DOCK4: variants seen among roughly 807,000 people sequenced by gnomAD.
DOCK4 encodes the protein dedicator of cytokinesis 4, also known as dedicator of cytokinesis protein 4.
In DOCK4, 97 loss-of-function variants were observed where a neutral mutation model predicts 268.1. The observed-to-expected ratio is 0.36, with a 90% CI of 0.31 to 0.43. The LOEUF is 0.43. DOCK4 is among the 20% of genes least tolerant of loss of function. DOCK4 has a pLI of 1.00. For missense variants in DOCK4, 2,145 were observed against 2,455.7 expected, an observed-to-expected ratio of 0.87 and a Z score of 2.67; for synonymous variants, 954 against 887.2, an observed-to-expected ratio of 1.08 and a Z score of -1.34.
intron 1 of DOCK4, among the ~76,000 whole-genome samples, chr7:112,075,882 C>T (rs985238587): frequency 2.0e-5 from 3 of 152,030 alleles, no homozygotes; most frequent in African/African-American, 4.8e-5. Flanking sequence ...TTTTCATTTT[C>T]TGTGAGCTTT....
chr7:111,731,363 G>T (rs1795071314), intron 52 of DOCK4, among the ~76,000 whole-genome samples: 1 of 152,136 alleles, frequency 6.6e-6, no homozygotes. Flanking sequence ...AGGCTAATTT[G>T]TCTTTTGCAC....
At chr7:111,853,205 C>T (rs900506447) in intron 23 of DOCK4, among the ~76,000 whole-genome samples, 1 of 152,140 alleles carries the variant, frequency 6.6e-6, no homozygotes, top group Non-Finnish European at 1.5e-5. Context: ...TATCAACAAG[C>T]TTTAGACAGG....
At position 111,753,005 on chromosome 7, in the gene DOCK4, T is replaced by G. The variant is rs1347523337; in HGVS notation, c.4416+2510A>C. On this transcript the variant is annotated intron_variant, in intron 42 of 52. Transcript: ENST00000428084. Reference sequence around the variant, plus strand: ...ATCTTAACAAAAGTTGATAAGCTATTGGGGGGGGGGTCTGTGATTTAGAAA... The same window carrying G: ...ATCTTAACAAAAGTTGATAAGCTATGGGGGGGGGGGTCTGTGATTTAGAAA... Among the ~76,000 whole-genome samples the G allele has an allele frequency of 1.6e-4, 17 of 105,160 alleles. 1 individual carries two copies. Among genetic ancestry groups the G allele is most frequent in the Admixed American group, 7.6e-4 (7 of 9,228 alleles). The allele number at this position is 105,160 out of a possible 152,430, so 69.0% of individuals were successfully genotyped here. A position where few individuals can be genotyped will look rare whatever the true frequency, so the allele number is the denominator to read the frequency against.
At chr7:111,738,996 G>T in intron 49 of DOCK4, 138 bp downstream of exon 49, 1 of 658,162 alleles carries the variant, frequency 1.5e-6, no homozygotes, top group Non-Finnish European at 2.6e-6. Flanking sequence ...GAAAACAGAG[G>T]TGCAATCTTC....
At chr7:112,014,194 C>T (rs1801611040) in intron 1 of DOCK4, among the ~76,000 whole-genome samples, 1 of 152,104 alleles carries the variant, frequency 6.6e-6, no homozygotes, top group African/African-American at 2.4e-5. Context: ...CTACAAAACA[C>T]AGTTCAGAAT....
intron 44 of DOCK4, among the ~76,000 whole-genome samples, chr7:111,745,207 G>A (rs1044969152): frequency 6.6e-6 from 1 of 152,200 alleles, no homozygotes; most frequent in African/African-American, 2.4e-5. Flanking sequence ...AGAAAATGAT[G>A]AGTTGTATGT....
chr7:111,978,266 C>G (rs1798359467), intron 7 of DOCK4, among the ~76,000 whole-genome samples: 1 of 152,202 alleles, frequency 6.6e-6, no homozygotes, highest in Non-Finnish European at 1.5e-5. Flanking sequence ...GTATCTTGCT[C>G]TACTGCCTAG....
intron 15 of DOCK4, among the ~76,000 whole-genome samples, 173 bp downstream of exon 15, chr7:111,900,201 C>T (rs1364981081): frequency 6.6e-6 from 1 of 152,206 alleles, no homozygotes; most frequent in Non-Finnish European, 1.5e-5. Context: ...CCACCAGAAA[C>T]AGTTTAGCTT....
intron 1 of DOCK4, among the ~76,000 whole-genome samples, chr7:112,163,362 G>A (rs1478628601): frequency 6.6e-6 from 1 of 151,778 alleles, no homozygotes; most frequent in African/African-American, 2.4e-5. Flanking sequence ...TTTGTTGCCT[G>A]CATCCTTTAA....
intron 26 of DOCK4, among the ~76,000 whole-genome samples, chr7:111,831,587 C>T (rs1013201791): frequency 4.6e-5 from 7 of 151,790 alleles, no homozygotes; most frequent in African/African-American, 7.3e-5. Flanking sequence ...CTGGCTGAAG[C>T]GATACTCCCA....
intron 1 of DOCK4, among the ~76,000 whole-genome samples, chr7:112,069,693 A>G (rs1807409271): frequency 6.6e-6 from 1 of 152,204 alleles, no homozygotes. Context: ...CGGTGACAAG[A>G]GCATGGACTG....
chr7:111,742,142 C>A lies in DOCK4; in HGVS notation c.4678-10G>T. 1.3e-6 allele frequency: 2 copies of A among 1,577,270 alleles called. No homozygotes were observed. The highest frequency in any genetic ancestry group is 1.9e-5 in the Admixed American group (1 of 52,340). The stretch of plus-strand genomic sequence containing the variant: ...ATTCCAGAATCTGTGCCTTAATTCA[C>A]AACATAAGGAAAAAACCTCACATCA... On this transcript the variant is annotated splice_polypyrimidine_tract_variant and intron_variant, in intron 44 of 52. Transcript: ENST00000428084.
chr7:111,932,440 C>A (rs1339046536), intron 12 of DOCK4, among the ~76,000 whole-genome samples: 3 of 152,048 alleles, frequency 2.0e-5, no homozygotes, highest in South Asian at 2.1e-4. Flanking sequence ...ACCAACTCTT[C>A]TATTCACAGT....
chr7:112,087,100 G>A (rs1809163783), intron 1 of DOCK4, among the ~76,000 whole-genome samples: 2 of 152,094 alleles, frequency 1.3e-5, no homozygotes, highest in South Asian at 2.1e-4. Context: ...GGGCTGTGGT[G>A]AGCTATTTCC....
chr7:112,201,661 G>C (rs893431383), intron 1 of DOCK4, among the ~76,000 whole-genome samples: 1 of 152,092 alleles, frequency 6.6e-6, no homozygotes, highest in Admixed American at 6.6e-5. Flanking sequence ...GGTGGGGAGG[G>C]GGGAGGAATG....
chr7:111,999,796 T>C (rs188596532), intron 3 of DOCK4, among the ~76,000 whole-genome samples: 24 of 151,600 alleles, frequency 1.6e-4, no homozygotes, highest in Non-Finnish European at 3.0e-4. Context: ...AAAAATGACA[T>C]ATATGAAAAT....
intron 8 of DOCK4, chr7:111,953,704 G>A (rs914102390): frequency 1.4e-4 from 22 of 152,236 alleles, no homozygotes; most frequent in African/African-American, 5.1e-4. Context: ...AACAGGCCTG[G>A]CCTTGCTTAG....
chr7:111,769,241 A>G (rs908340475), intron 37 of DOCK4, among the ~76,000 whole-genome samples: 2 of 152,228 alleles, frequency 1.3e-5, no homozygotes, highest in African/African-American at 4.8e-5. Flanking sequence ...TGAAAAGGTC[A>G]TGCACATTGG....
chr7:111,960,082 T>C (rs1177500955), intron 8 of DOCK4, among the ~76,000 whole-genome samples: 1 of 152,084 alleles, frequency 6.6e-6, no homozygotes, highest in Non-Finnish European at 1.5e-5. Context: ...GATAAATAAA[T>C]GGCCTGGGTG....
Sources: allele counts gnomAD v4.1 joint callset (sites outside exome capture counted in the v4.1 genomes callset), GRCh38; gene constraint gnomAD v4.1.1; transcripts MANE v1.5; gene names NCBI Gene and HGNC (gene_info 2026-07-23, HGNC 2026-07-21).